The following PACRG variants were observed in gnomAD, a reference collection of about 807,000 sequenced individuals.
PACRG encodes parkin coregulated, also known as parkin coregulated gene protein.
Under a neutral mutation model 29.7 loss-of-function variants are expected in PACRG, and 29 were observed. The observed-to-expected ratio is 0.98, with a 90% CI of 0.73 to 1.33. The LOEUF (loss-of-function observed/expected upper bound fraction) is 1.33. Among genes scored for constraint, PACRG ranks in the 40% most tolerant of loss-of-function variants. The pLI is 0.00. For missense variants in PACRG, 279 were observed against 316.2 expected (o/e 0.88, Z 0.89); for synonymous variants, 116 against 118.7 (o/e 0.98, Z 0.15).
chr6:162,728,693 C>T (rs1244485155), intron 1 of PACRG, among the ~76,000 whole-genome samples: 3 of 151,032 alleles, frequency 2.0e-5, no homozygotes, highest in Non-Finnish European at 4.4e-5. Flanking sequence ...ATCCCCTTTA[C>T]TTACTAATTC....
At chr6:162,758,582 T>C (rs1392941584) in intron 1 of PACRG, among the ~76,000 whole-genome samples, 6 of 152,176 alleles carry the variant, frequency 3.9e-5, no homozygotes, top group African/African-American at 9.7e-5. Flanking sequence ...TCAGAAGCAC[T>C]GTACTGTAAT....
At chr6:163,202,166 A>G (rs1780727802) in intron 4 of PACRG, among the ~76,000 whole-genome samples, 1 of 152,076 alleles carries the variant, frequency 6.6e-6, no homozygotes, top group African/African-American at 2.4e-5. Flanking sequence ...GTGGGGGCAG[A>G]GGGGAAAATG....
intron 4 of PACRG, among the ~76,000 whole-genome samples, chr6:163,282,032 T>A (rs1784241591): frequency 6.6e-6 from 1 of 152,222 alleles, no homozygotes; most frequent in South Asian, 2.1e-4. Context: ...ATTTGAATAT[T>A]CAGAACTTTT....
intron 4 of PACRG, among the ~76,000 whole-genome samples, chr6:163,261,484 G>A (rs1038018168): frequency 6.6e-6 from 1 of 151,724 alleles, no homozygotes; most frequent in African/African-American, 2.4e-5. Context: ...CCTCTTTGCT[G>A]GCCTCCCATT....
chr6:162,844,888 A>T (rs1470182076), intron 2 of PACRG, among the ~76,000 whole-genome samples: 1 of 152,200 alleles, frequency 6.6e-6, no homozygotes. Flanking sequence ...TAGAAGCAGA[A>T]GTCCACTATG....
intron 2 of PACRG, among the ~76,000 whole-genome samples, chr6:162,905,481 C>A (rs1287510975): frequency 1.3e-5 from 2 of 152,124 alleles, no homozygotes; most frequent in African/African-American, 4.8e-5. Flanking sequence ...TGGAAAGAAT[C>A]CCGCAGCTCG....
At chr6:163,105,411 A>G (rs922365569) in intron 4 of PACRG, among the ~76,000 whole-genome samples, 1 of 152,194 alleles carries the variant, frequency 6.6e-6, no homozygotes, top group African/African-American at 2.4e-5. Context: ...CATCTTTGGC[A>G]TGTACAACAT....
intron 4 of PACRG, among the ~76,000 whole-genome samples, chr6:163,116,582 G>A (rs192369183): frequency 2.6e-5 from 4 of 151,718 alleles, no homozygotes; most frequent in African/African-American, 7.3e-5. Flanking sequence ...CAGGTATGAC[G>A]GAAATGAAAA....
intron 2 of PACRG, among the ~76,000 whole-genome samples, chr6:162,996,774 G>A (rs1804102173): frequency 6.6e-6 from 1 of 152,092 alleles, no homozygotes; most frequent in South Asian, 2.1e-4. Flanking sequence ...TAACATTATG[G>A]GCACTCTACT....
intron 4 of PACRG, among the ~76,000 whole-genome samples, chr6:163,256,110 C>A (rs902979820): frequency 6.6e-6 from 1 of 152,200 alleles, no homozygotes; most frequent in Non-Finnish European, 1.5e-5. Flanking sequence ...AATTTTTAAA[C>A]ATATTTGACT....
At chr6:162,750,739 A>C (rs945641479) in intron 1 of PACRG, among the ~76,000 whole-genome samples, 3 of 152,214 alleles carry the variant, frequency 2.0e-5, no homozygotes, top group Admixed American at 6.5e-5. Flanking sequence ...GATTAAATTA[A>C]ATGTTATTGT....
At position 162,890,333 on chromosome 6, in the gene PACRG, C is replaced by T. The variant is rs79803283; in HGVS notation, c.291+76052C>T. 6.2e-3 allele frequency among the ~76,000 whole-genome samples: 938 copies of T among 152,068 alleles called. 14 individuals carry two copies. The highest frequency in any genetic ancestry group is 0.02 in the African/African-American group (846 of 41,478). On this transcript the variant is annotated intron_variant, in intron 2 of 4. Transcript: ENST00000366888. ...ACCTTATGATATGATATGATGAAACCATCCTCTCTGGATTCTAATCCTAAG... is the reference window on the plus strand; with the variant it reads ...ACCTTATGATATGATATGATGAAACTATCCTCTCTGGATTCTAATCCTAAG...
chr6:162,824,691 T>G (rs1042566522), intron 2 of PACRG, among the ~76,000 whole-genome samples: 1 of 152,176 alleles, frequency 6.6e-6, no homozygotes, highest in Admixed American at 6.5e-5. Flanking sequence ...CTACAGTGAC[T>G]TGTCTATTCA....
intron 2 of PACRG, among the ~76,000 whole-genome samples, chr6:163,016,013 C>T (rs1204367306): frequency 1.3e-5 from 2 of 152,146 alleles, no homozygotes; most frequent in African/African-American, 4.8e-5. Context: ...TTCTTTTTCT[C>T]TGAATTTCTG....
At chr6:162,980,124 G>C (rs545840332) in intron 2 of PACRG, among the ~76,000 whole-genome samples, 1 of 151,800 alleles carries the variant, frequency 6.6e-6, no homozygotes, top group Admixed American at 6.6e-5. Flanking sequence ...GAAGGTTCAA[G>C]GTTTTCCCAG....
intron 2 of PACRG, 73 bp from the exon 3 acceptor site, chr6:163,062,077 G>T: frequency 6.6e-7 from 1 of 1,514,760 alleles, no homozygotes; most frequent in South Asian, 1.2e-5. Flanking sequence ...GTGGGTGACA[G>T]CTGCATAGCT....
At chr6:163,045,615 G>A (rs1490763760) in intron 2 of PACRG, among the ~76,000 whole-genome samples, 26 of 137,226 alleles carry the variant, frequency 1.9e-4, no homozygotes, top group African/African-American at 6.8e-4. Flanking sequence ...GAGCTACTGC[G>A]CCCAGCTTTT....
In PACRG at chr6:163,187,355, G is replaced by C. The variant is rs113986054; in HGVS notation, c.613+97947G>C. ...AGTCAGTGCACCCAGGCCTGTGCAA[G>C]TGGCCTGTGAAAGGCTTCTGTGCTC... On this transcript the variant is annotated intron_variant, in intron 4 of 4. Transcript: ENST00000366888. Among the ~76,000 whole-genome samples the C allele has an allele frequency of 3.2e-3, 484 of 152,252 alleles. 2 individuals are homozygous for C. The highest frequency in any genetic ancestry group is 0.011 in the African/African-American group (464 of 41,546).
chr6:162,801,269 C>T lies in PACRG; in HGVS notation c.157-12878C>T, dbSNP rs968926331. ...GATTACATGTGTGTACCACCATGCC[C>T]GGCTAATTTTTGTATTTTTAGTAGA... On this transcript the variant is annotated intron_variant, in intron 1 of 4. Coordinates refer to ENST00000366888, the MANE Select transcript of PACRG (RefSeq NM_001080379.2). Among the ~76,000 whole-genome samples the T allele has an allele frequency of 1.6e-4, 25 of 152,108 alleles. 1 individual carries two copies. The highest frequency in any genetic ancestry group is 5.3e-4 in the African/African-American group (22 of 41,506).
Sources: gnomAD v4.1 joint callset for allele counts (sites outside exome capture counted in the v4.1 genomes callset) on GRCh38, gnomAD v4.1.1 for gene constraint, MANE v1.5 for transcripts, NCBI Gene and HGNC (gene_info 2026-07-23, HGNC 2026-07-21) for gene names.